AUTS2: variants seen among roughly 807,000 people sequenced by gnomAD.
The protein encoded by AUTS2 is autism susceptibility gene 2 protein.
Under a neutral mutation model 112.4 loss-of-function variants are expected in AUTS2, and 17 were observed. That is an observed-to-expected ratio of 0.15 (90% confidence interval 0.10 to 0.23). AUTS2 has a LOEUF of 0.23. Among genes scored for constraint, AUTS2 ranks in the 10% least tolerant of loss-of-function variants. The probability of loss-of-function intolerance (pLI) is 1.00; values close to 1 mark genes in which losing one functional copy is unlikely to be tolerated. For missense variants in AUTS2, 1,510 were observed against 1,701.6 expected (o/e 0.89, Z 1.98); for synonymous variants, 751 against 702.7 (o/e 1.07, Z -1.09).
chr7:70,008,091 T>C (rs1261281620), intron 2 of AUTS2, among the ~76,000 whole-genome samples: 1 of 152,216 alleles, frequency 6.6e-6, no homozygotes, highest in African/African-American at 2.4e-5. Context: ...AATCATCATG[T>C]GTTAAGTATA....
At chr7:69,748,792 T>C (rs1275302425) in intron 1 of AUTS2, among the ~76,000 whole-genome samples, 1 of 152,126 alleles carries the variant, frequency 6.6e-6, no homozygotes, top group Non-Finnish European at 1.5e-5. Context: ...TACAGGCTTG[T>C]TTTTGGTATC....
chr7:70,391,716 C>T (rs1793868452), intron 4 of AUTS2, among the ~76,000 whole-genome samples: 1 of 152,076 alleles, frequency 6.6e-6, no homozygotes. Flanking sequence ...CAAATTAAGA[C>T]ATATTTGACA....
intron 2 of AUTS2, among the ~76,000 whole-genome samples, chr7:69,964,269 C>T (rs564314152): frequency 3.3e-5 from 5 of 152,208 alleles, no homozygotes; most frequent in African/African-American, 4.8e-5. Flanking sequence ...CTTTACCCTC[C>T]GGGCTTTACT....
chr7:69,631,187 T>G (rs80097791), intron 1 of AUTS2, among the ~76,000 whole-genome samples: 1 of 152,064 alleles, frequency 6.6e-6, no homozygotes, highest in Non-Finnish European at 1.5e-5. Flanking sequence ...TTTTTTTTTT[T>G]GTTTTAAGCT....
chr7:70,744,808 C>A (rs892139991), intron 6 of AUTS2, among the ~76,000 whole-genome samples: 1 of 152,148 alleles, frequency 6.6e-6, no homozygotes, highest in Non-Finnish European at 1.5e-5. Flanking sequence ...ATACTGCTTT[C>A]CTCCCACGGG....
chr7:69,814,679 C>T (rs1444369956), intron 1 of AUTS2, among the ~76,000 whole-genome samples: 1 of 152,258 alleles, frequency 6.6e-6, no homozygotes, highest in Admixed American at 6.5e-5. Context: ...TGAATGTGCA[C>T]TTGGGGGCTG....
intron 4 of AUTS2, among the ~76,000 whole-genome samples, chr7:70,327,806 A>T (rs1031733612): frequency 1.3e-5 from 2 of 152,228 alleles, no homozygotes; most frequent in Non-Finnish European, 2.9e-5. Flanking sequence ...CACATTTATC[A>T]TAAAATTTAT....
intron 1 of AUTS2, among the ~76,000 whole-genome samples, chr7:69,779,687 C>T (rs1443755961): frequency 1.4e-5 from 2 of 148,068 alleles, no homozygotes; most frequent in African/African-American, 2.5e-5. Flanking sequence ...CACTTGAACT[C>T]GGGAGGCGGA....
intron 4 of AUTS2, among the ~76,000 whole-genome samples, chr7:70,259,846 A>G (rs1313742809): frequency 6.6e-6 from 1 of 152,220 alleles, no homozygotes; most frequent in Non-Finnish European, 1.5e-5. Context: ...TGGGGTAGAT[A>G]GGAGCCAAAA....
chr7:69,702,368 G>A (rs968772072), intron 1 of AUTS2, among the ~76,000 whole-genome samples: 1 of 152,212 alleles, frequency 6.6e-6, no homozygotes, highest in Non-Finnish European at 1.5e-5. Context: ...GGCAGAGGCA[G>A]GGTGAGAAGG....
chr7:70,226,494 C>T (rs753766332), intron 4 of AUTS2, among the ~76,000 whole-genome samples: 17 of 151,832 alleles, frequency 1.1e-4, no homozygotes, highest in Non-Finnish European at 2.4e-4. Flanking sequence ...CGTGAGCCAC[C>T]ATACCTGGCC....
At chr7:69,870,319 AGTAGATATTTAGGTTAAAAATTAT>A (rs1489536109) in intron 1 of AUTS2, among the ~76,000 whole-genome samples, 1 of 151,516 alleles carries the variant, frequency 6.6e-6, no homozygotes, top group Non-Finnish European at 1.5e-5. Flanking sequence ...TTAAAGCTAA[AGTAGATATTTAGGTTAAAAATTAT>A]GTAGATATTT....
At chr7:70,213,007 A>C (rs896232147) in intron 4 of AUTS2, among the ~76,000 whole-genome samples, 1 of 152,170 alleles carries the variant, frequency 6.6e-6, no homozygotes, top group East Asian at 1.9e-4. Flanking sequence ...TGTACATTTC[A>C]CAGTAGCCAA....
chr7:70,347,362 CTA>C (rs1791542546), intron 4 of AUTS2, among the ~76,000 whole-genome samples: 1 of 152,134 alleles, frequency 6.6e-6, no homozygotes, highest in Non-Finnish European at 1.5e-5. Context: ...TTCCATTAGA[CTA>C]TAATTTCCTT....
In AUTS2 at chr7:69,724,591, A is replaced by C. The variant is rs368006296; in HGVS notation, c.309+124629A>C. 1.6e-4 allele frequency among the ~76,000 whole-genome samples: 24 copies of C among 152,366 alleles called. No homozygotes were observed. In the East Asian group the frequency reaches 2.5e-3, roughly 16 times the overall value. Reference sequence around the variant, plus strand: ...TACTGTAGCATCAGGATTCAAGGTTACAGAATTGGTTAACTTTCTGGTTTG... The same window carrying C: ...TACTGTAGCATCAGGATTCAAGGTTCCAGAATTGGTTAACTTTCTGGTTTG... On this transcript the variant is annotated intron_variant, in intron 1 of 18. Coordinates refer to ENST00000342771, the MANE Select transcript of AUTS2 (RefSeq NM_015570.4).
intron 5 of AUTS2, among the ~76,000 whole-genome samples, chr7:70,589,302 G>A (rs1010668467): frequency 1.3e-5 from 2 of 152,214 alleles, no homozygotes; most frequent in African/African-American, 4.8e-5. Flanking sequence ...CTCCCAGGGG[G>A]CGAAGTGGAG....
At chr7:70,256,308 C>A (rs1786867121) in intron 4 of AUTS2, among the ~76,000 whole-genome samples, 1 of 152,172 alleles carries the variant, frequency 6.6e-6, no homozygotes, top group Non-Finnish European at 1.5e-5. Flanking sequence ...AGGGCTTCTT[C>A]TTCTTCAGTT....
At chr7:69,942,229 G>T (rs1223591780) in intron 2 of AUTS2, among the ~76,000 whole-genome samples, 4 of 152,090 alleles carry the variant, frequency 2.6e-5, no homozygotes, top group Admixed American at 2.0e-4. Context: ...CTTGTTCTCA[G>T]CTACAGCCCA....
chr7:70,552,882 C>T (rs1801073270), intron 5 of AUTS2, among the ~76,000 whole-genome samples: 1 of 152,202 alleles, frequency 6.6e-6, no homozygotes, highest in Admixed American at 6.5e-5. Context: ...TTTTCCAGCA[C>T]AAACACTTTC....
Sources: gnomAD v4.1 joint callset for allele counts (sites outside exome capture counted in the v4.1 genomes callset) on GRCh38, gnomAD v4.1.1 for gene constraint, MANE v1.5 for transcripts, NCBI Gene and HGNC (gene_info 2026-07-23, HGNC 2026-07-21) for gene names.